The following POMT2 variants were observed in gnomAD, a reference collection of about 807,000 sequenced individuals.
The protein encoded by POMT2 is protein O-mannosyl-transferase 2.
In POMT2, 75 loss-of-function variants were observed where a neutral mutation model predicts 100.0. The ratio of observed to expected loss-of-function variants is 0.75; its 90% CI spans 0.62 to 0.91. POMT2 has a LOEUF of 0.91. POMT2 is among the 40% of genes least tolerant of loss of function. The pLI is 0.00. For missense variants in POMT2, 940 were observed against 955.1 expected, an observed-to-expected ratio of 0.98 and a Z score of 0.21; for synonymous variants, 378 against 374.1, an observed-to-expected ratio of 1.01 and a Z score of -0.12.
intron 3 of POMT2, among the ~76,000 whole-genome samples, 166 bp from the exon 4 acceptor site, chr14:77,304,966 G>A (rs777036982): frequency 1.3e-5 from 2 of 152,212 alleles, no homozygotes; most frequent in Non-Finnish European, 2.9e-5. Flanking sequence ...TATTGTAATA[G>A]TGAAGAGCCA....
intron 2 of POMT2, among the ~76,000 whole-genome samples, chr14:77,308,023 G>A (rs371689095): frequency 3.0e-4 from 45 of 151,820 alleles, no homozygotes; most frequent in East Asian, 1.4e-3. Flanking sequence ...CACCACGCCC[G>A]GCTAATTTTT....
At chr14:77,319,567 G>C (rs1007521885) in intron 1 of POMT2, 1 of 152,228 alleles carries the variant, frequency 6.6e-6, no homozygotes, top group Non-Finnish European at 1.5e-5. Context: ...TCTCCCTCCA[G>C]GACAAAGAGG....
At chr14:77,288,671 C>T in intron 11 of POMT2, 91 bp downstream of exon 11, 1 of 1,102,172 alleles carries the variant, frequency 9.1e-7, no homozygotes, top group Non-Finnish European at 1.4e-6. Flanking sequence ...ACCAGAGCCT[C>T]ATCAAAATCT....
chr14:77,279,664 G>C, intron 18 of POMT2, 159 bp downstream of exon 18: 2 of 749,406 alleles, frequency 2.7e-6, no homozygotes, highest in Non-Finnish European at 4.7e-6. Context: ...ACACAGCACT[G>C]GGTACTTGGG....
intron 8 of POMT2, 42 bp downstream of exon 8, chr14:77,298,647 C>T (rs1890914981): frequency 5.6e-6 from 9 of 1,604,594 alleles, no homozygotes; most frequent in African/African-American, 1.3e-5. Context: ...TCCCAGGACA[C>T]CCCTCTGCCT....
chr14:77,282,508 C>T (rs1257963442), intron 15 of POMT2, among the ~76,000 whole-genome samples: 2 of 152,182 alleles, frequency 1.3e-5, no homozygotes, highest in Non-Finnish European at 2.9e-5. Context: ...CCCTTTTCTT[C>T]TCTGACTCTA....
intron 19 of POMT2, 104 bp from the exon 20 acceptor site, chr14:77,278,612 C>CT: frequency 2.7e-6 from 4 of 1,497,520 alleles, no homozygotes; most frequent in Non-Finnish European, 3.7e-6. Flanking sequence ...TCACTCCCAG[C>CT]ACTGCTGCCC....
rs150755807 is a variant in POMT2 at position 77,278,841 on chromosome 14, G to T, written c.1920C>A (p.Gly640=). 5 of 1,613,248 alleles carry T rather than the reference G, an allele frequency of 3.1e-6. No homozygotes were observed. Among genetic ancestry groups the T allele is most frequent in the Middle Eastern group, 3.3e-4 (2 of 6,082 alleles). The change falls in exon 19 of 21, where the codon GGC becomes GGA. Residue 640 remains glycine (G), a synonymous_variant. Transcript: ENST00000261534. Reference sequence around the variant, plus strand: ...GTGTCCAGCCGAGCAGGACCTGGCCGCCTCCTCGAAGCAGGACCTGGGACA... The same window carrying T: ...GTGTCCAGCCGAGCAGGACCTGGCCTCCTCCTCGAAGCAGGACCTGGGACA... ...AGLSQVLLRG[G]GQVLLGWTLH...
At chr14:77,305,779 A>G (rs889057161) in intron 3 of POMT2, among the ~76,000 whole-genome samples, 4 of 152,256 alleles carry the variant, frequency 2.6e-5, no homozygotes, top group African/African-American at 9.6e-5. Flanking sequence ...CTGGTGCTGT[A>G]AATCAGGACA....
chr14:77,313,976 T>G (rs1392338934), intron 1 of POMT2, among the ~76,000 whole-genome samples: 6 of 152,218 alleles, frequency 3.9e-5, no homozygotes, highest in Admixed American at 3.9e-4. Flanking sequence ...CCCAAAGTGC[T>G]GGGGTTATAG....
At chr14:77,300,897 G>A in intron 6 of POMT2, 193 bp downstream of exon 6, 1 of 832,826 alleles carries the variant, frequency 1.2e-6, no homozygotes, top group Non-Finnish European at 1.9e-6. Flanking sequence ...CCTCTCCCTT[G>A]AACCCTATCC....
At position 77,320,516 on chromosome 14, in the gene POMT2, C is replaced by A. The variant is rs368362223; in HGVS notation, c.166G>T (p.Gly56Cys). Reference protein sequence around the residue: ...AWGSRRFEAVGWWALLALVTL... With the variant: ...AWGSRRFEAVCWWALLALVTL... ...ACCAAGGCCAGCAGGGCCCACCAGC[C>A]GACCGCCTCGAAGCGCCGTGAGCCC... Residue 56 changes from glycine to cysteine, a missense_variant, in exon 1 of 21, where the codon GGC (glycine) becomes TGC (cysteine). Physicochemically the swap from Gly to Cys is radical, Grantham distance 159. Coordinates refer to ENST00000261534, the MANE Select transcript of POMT2 (RefSeq NM_013382.7). 12 of 1,551,860 alleles carry A rather than the reference C, an allele frequency of 7.7e-6. No homozygotes were observed. Among genetic ancestry groups the A allele is most frequent in the Non-Finnish European group, 1.0e-5 (12 of 1,152,848 alleles).
At position 77,320,774 on chromosome 14, in the gene POMT2, A is replaced by G; in HGVS notation, c.-93T>C. ...GAGTCACAAGAGGGCAGCTCGGGGT[A>G]CCCCGGGAAATGCAACGCCCTTCAC... On this transcript the variant is annotated 5_prime_UTR_variant, in exon 1 of 21. Coordinates refer to ENST00000261534, the MANE Select transcript of POMT2 (RefSeq NM_013382.7). 1.3e-6 allele frequency: 2 copies of G among 1,499,414 alleles called. No homozygotes were observed. Among genetic ancestry groups the G allele is most frequent in the African/African-American group, 1.4e-5 (1 of 69,682 alleles). 92.9% of individuals were successfully genotyped at this position (1,499,414 alleles called of 1,614,324 possible).
chr14:77,300,990 C>T (rs1372986759), intron 6 of POMT2, 100 bp downstream of exon 6: 2 of 1,607,740 alleles, frequency 1.2e-6, no homozygotes, highest in African/African-American at 2.7e-5. Flanking sequence ...CAGAACACAG[C>T]CACTCTGCCA....
At chr14:77,293,823 T>C (rs1594790677) in intron 9 of POMT2, among the ~76,000 whole-genome samples, 1 of 152,366 alleles carries the variant, frequency 6.6e-6, no homozygotes, top group Non-Finnish European at 1.5e-5. Flanking sequence ...ACAGAGCCTT[T>C]CAGAGTTTGG....
At position 77,283,803 on chromosome 14, in the gene POMT2, C is replaced by A; in HGVS notation, c.1647G>T (p.Met549Ile). The A allele has an allele frequency of 6.2e-7, 1 of 1,608,320 alleles. No homozygotes were observed. Among genetic ancestry groups the A allele is most frequent in the Non-Finnish European group, 8.5e-7 (1 of 1,174,720 alleles). ...PEILLESHMV[M>I]IRGNSGLKPK... ...ATGAGAAGGGGACACATACCCGGAT[C>A]ATGACCATGTGGGATTCCAGCAAGA... The change falls in exon 15 of 21, where the codon ATG becomes ATT. Residue 549 changes from methionine to isoleucine, a missense_variant. Met to Ile is a conservative substitution (Grantham distance 10). Coordinates refer to ENST00000261534, the MANE Select transcript of POMT2 (RefSeq NM_013382.7).
chr14:77,296,206 G>A lies in POMT2; in HGVS notation c.1074C>T (p.His358=), dbSNP rs759944762. 4 of 1,609,210 alleles carry A rather than the reference G, an allele frequency of 2.5e-6. No homozygotes were observed. The East Asian group carries it at 8.9e-5, about 36-fold the overall frequency. The part of the protein sequence containing the change: ...LRMAIGYLHS[H]RHLYPEGIGA... ...CAATGCCCTCGGGGTAGAGGTGCCT[G>A]TGGGAGTGCAGATAGCCGATGGCCA... The change falls in exon 9 of 21, where the codon CAC becomes CAT. Residue 358 remains histidine, a synonymous_variant. Coordinates refer to ENST00000261534, the MANE Select transcript of POMT2 (RefSeq NM_013382.7).
At chr14:77,307,403 T>G (rs146814254) in intron 2 of POMT2, among the ~76,000 whole-genome samples, 1 of 152,226 alleles carries the variant, frequency 6.6e-6, no homozygotes, top group Admixed American at 6.5e-5. Flanking sequence ...TAGCTCCAGG[T>G]CAAGGTATAG....
rs972890371 is a variant in POMT2 at position 77,277,088 on chromosome 14, G to A, written c.*288C>T. ...AACATGCCCTCACATACACACACGC[G>A]CACCCACTCCCACCCTCTGGCACCC... On this transcript the variant is annotated 3_prime_UTR_variant, in exon 21 of 21. Coordinates refer to ENST00000261534, the MANE Select transcript of POMT2 (RefSeq NM_013382.7). 9 of 480,806 alleles carry A rather than the reference G, an allele frequency of 1.9e-5. No homozygotes were observed. The highest frequency in any genetic ancestry group is 9.7e-5 in the African/African-American group (5 of 51,286). 29.8% of individuals were successfully genotyped at this position (480,806 alleles called of 1,614,324 possible).
Sources: gnomAD v4.1 joint callset for allele counts (sites outside exome capture counted in the v4.1 genomes callset) on GRCh38, gnomAD v4.1.1 for gene constraint, MANE v1.5 for transcripts, NCBI Gene and HGNC (gene_info 2026-07-23, HGNC 2026-07-21) for gene names.